The following SMCO4 variants were observed in gnomAD, a reference collection of about 807,000 sequenced individuals.
SMCO4 encodes single-pass membrane protein with coiled-coil domains 4.
SMCO4 carries 4 observed loss-of-function variants against 3.6 expected under a neutral mutation model. The observed-to-expected ratio is 1.11, with a 90% CI of 0.54 to 2.53. The LOEUF (loss-of-function observed/expected upper bound fraction) is 2.53. SMCO4 is among the 30% of genes most tolerant of loss of function. The probability of loss-of-function intolerance (pLI) is 0.02; values close to 1 mark genes in which losing one functional copy is unlikely to be tolerated. For missense variants in SMCO4, 70 were observed against 80.8 expected (o/e 0.87, Z 0.51); for synonymous variants, 36 against 35.3 (o/e 1.02, Z -0.07).
intron 1 of SMCO4, among the ~76,000 whole-genome samples, chr11:93,510,224 G>A (rs974497630): frequency 5.9e-5 from 9 of 152,176 alleles, no homozygotes; most frequent in African/African-American, 1.7e-4. Context: ...AGTTATGACC[G>A]CAGGGCCAAA....
intron 1 of SMCO4, among the ~76,000 whole-genome samples, chr11:93,505,888 TGATGA>T (rs1948894880): frequency 6.6e-6 from 1 of 151,864 alleles, no homozygotes; most frequent in Non-Finnish European, 1.5e-5. Context: ...ATGATGATGA[TGATGA>T]TGAAAATAGC....
chr11:93,505,401 T>C (rs79052515), intron 1 of SMCO4, among the ~76,000 whole-genome samples: 1 of 152,216 alleles, frequency 6.6e-6, no homozygotes, highest in Non-Finnish European at 1.5e-5. Context: ...CTTGCTATTG[T>C]ATTACCCAAC....
chr11:93,481,281 G>C (rs1948589028), intron 2 of SMCO4: 1 of 207,472 alleles, frequency 4.8e-6, no homozygotes, highest in Non-Finnish European at 8.5e-6. Context: ...TGAGAATCTG[G>C]AAAACAAATG....
chr11:93,537,005 TA>T (rs1161485994), intron 1 of SMCO4, among the ~76,000 whole-genome samples: 1 of 152,226 alleles, frequency 6.6e-6, no homozygotes, highest in East Asian at 1.9e-4. Context: ...AAAACATCTG[TA>T]AAAGCTCTGT....
At chr11:93,504,562 G>A (rs1263866199) in intron 1 of SMCO4, among the ~76,000 whole-genome samples, 1 of 152,188 alleles carries the variant, frequency 6.6e-6, no homozygotes, top group African/African-American at 2.4e-5. Flanking sequence ...TGACTTTGCA[G>A]AATGAAACAT....
At chr11:93,523,717 A>G (rs1232142101) in intron 1 of SMCO4, among the ~76,000 whole-genome samples, 1 of 152,172 alleles carries the variant, frequency 6.6e-6, no homozygotes, top group Non-Finnish European at 1.5e-5. Flanking sequence ...TAATTATACA[A>G]TCAGTGAAAG....
At chr11:93,536,669 C>T (rs907822273) in intron 1 of SMCO4, among the ~76,000 whole-genome samples, 1 of 152,176 alleles carries the variant, frequency 6.6e-6, no homozygotes, top group African/African-American at 2.4e-5. Context: ...GGAGCTGGCA[C>T]CTGGGGAGGG....
At chr11:93,505,138 T>A (rs1208603924) in intron 1 of SMCO4, among the ~76,000 whole-genome samples, 1 of 152,206 alleles carries the variant, frequency 6.6e-6, no homozygotes, top group Non-Finnish European at 1.5e-5. Flanking sequence ...TCTTTACTGA[T>A]CTTCAGCAGT....
chr11:93,503,476 A>G (rs962511518), intron 1 of SMCO4, among the ~76,000 whole-genome samples: 1 of 152,218 alleles, frequency 6.6e-6, no homozygotes, highest in African/African-American at 2.4e-5. Context: ...CAACCAAACC[A>G]TATCAGGTCC....
At chr11:93,540,287 A>G (rs1949261452) in intron 1 of SMCO4, among the ~76,000 whole-genome samples, 1 of 152,198 alleles carries the variant, frequency 6.6e-6, no homozygotes, top group South Asian at 2.1e-4. Flanking sequence ...CTCAGCACCC[A>G]CTGCAATTAG....
At chr11:93,538,615 C>T (rs113055865) in intron 1 of SMCO4, among the ~76,000 whole-genome samples, 2,563 of 152,260 alleles carry the variant, frequency 0.017, 87 homozygotes, top group African/African-American at 0.058. Context: ...TAGCAGAGAC[C>T]AAAGGAGGCA....
At chr11:93,535,626 C>A (rs1278465434) in intron 1 of SMCO4, 7 of 1,585,088 alleles carry the variant, frequency 4.4e-6, no homozygotes, top group Non-Finnish European at 6.1e-6. Flanking sequence ...AGCCTGCAGA[C>A]AACAAGTGTC....
intron 1 of SMCO4, among the ~76,000 whole-genome samples, chr11:93,539,190 A>C (rs1228037309): frequency 6.6e-6 from 1 of 151,978 alleles, no homozygotes; most frequent in East Asian, 1.9e-4. Flanking sequence ...GATCTCACCA[A>C]CCTAGCTCCA....
intron 1 of SMCO4, among the ~76,000 whole-genome samples, chr11:93,533,247 C>A (rs1367674996): frequency 6.6e-6 from 1 of 152,130 alleles, no homozygotes. Flanking sequence ...TTTGCCCTCC[C>A]CTTGATTACA....
Position 93,531,634 on chromosome 11 carries a change from C to T in SMCO4, c.-154+11642G>A, listed in dbSNP as rs7948451. 5.7e-3 allele frequency among the ~76,000 whole-genome samples: 873 copies of T among 152,292 alleles called. 7 individuals are homozygous for T. Among genetic ancestry groups the T allele is most frequent in the African/African-American group, 0.02 (817 of 41,548 alleles). On this transcript the variant is annotated intron_variant, in intron 1 of 2. Coordinates refer to ENST00000298966, the MANE Select transcript of SMCO4 (RefSeq NM_020179.3). ...ATACTGATGCATAGTAATGTGCAGA[C>T]AGGTAACACTAATTAATATATTGTA...
chr11:93,535,522 G>A, intron 1 of SMCO4: 1 of 1,404,918 alleles, frequency 7.1e-7, no homozygotes, highest in African/African-American at 1.4e-5. Context: ...GACTTTTCCA[G>A]AAGTGCTGGA....
chr11:93,514,413 T>TATATATGTATATATATATATAC (rs1948989354), intron 1 of SMCO4, among the ~76,000 whole-genome samples: 4 of 33,964 alleles, frequency 1.2e-4, no homozygotes, highest in African/African-American at 3.7e-4. Flanking sequence ...TATATATATA[T>TATATATGTATATATATATATAC]ATATATATAA....
rs79743107 is a variant in SMCO4 at position 93,534,601 on chromosome 11, C to T, written c.-154+8675G>A. ...ATAAAATAGCTGCTCAAGGCACACA[C>T]CCATAAGGTGCTGAATGGGAGCTGG... On this transcript the variant is annotated intron_variant, in intron 1 of 2. Transcript: ENST00000298966. 2.7e-3 allele frequency among the ~76,000 whole-genome samples: 415 copies of T among 152,296 alleles called. 1 individual carries two copies. The highest frequency in any genetic ancestry group is 9.7e-3 in the African/African-American group (403 of 41,560).
At chr11:93,493,828 T>C (rs117377975) in intron 2 of SMCO4, among the ~76,000 whole-genome samples, 1,726 of 152,230 alleles carry the variant, frequency 0.011, 13 homozygotes, top group South Asian at 0.036. Context: ...CTGCTTTACT[T>C]ACTTGCTAGA....
Sources: gnomAD v4.1 joint callset for allele counts (sites outside exome capture counted in the v4.1 genomes callset) on GRCh38, gnomAD v4.1.1 for gene constraint, MANE v1.5 for transcripts, NCBI Gene and HGNC (gene_info 2026-07-23, HGNC 2026-07-21) for gene names.